SLC20A2: variants seen among roughly 807,000 people sequenced by gnomAD.
SLC20A2 encodes sodium-dependent phosphate transporter 2.
Under a neutral mutation model 61.0 loss-of-function variants are expected in SLC20A2, and 30 were observed. The ratio of observed to expected loss-of-function variants is 0.49; its 90% confidence interval spans 0.37 to 0.67. The LOEUF (loss-of-function observed/expected upper bound fraction) is 0.67, where lower values mean the gene tolerates loss of function less well. Among genes scored for constraint, SLC20A2 ranks in the 30% least tolerant of loss-of-function variants. The pLI, the probability that SLC20A2 is intolerant of heterozygous loss-of-function variation, is 0.00. For synonymous variants in SLC20A2, 351 were observed against 353.3 expected (o/e 0.99, Z 0.07); for missense variants, 626 against 866.4 (o/e 0.72, Z 3.48).
At chr8:42,484,304 A>G (rs1435265164) in intron 1 of SLC20A2, among the ~76,000 whole-genome samples, 1 of 152,240 alleles carries the variant, frequency 6.6e-6, no homozygotes, top group African/African-American at 2.4e-5. Context: ...ACACTAAACA[A>G]GGCAATATAG....
Position 42,523,087 on chromosome 8 carries a change from C to T in SLC20A2, c.-265+18734G>A, listed in dbSNP as rs1006723878. Among the ~76,000 whole-genome samples, 294 of 152,188 alleles carry T rather than the reference C, an allele frequency of 1.9e-3. 1 individual carries two copies. The highest frequency in any genetic ancestry group is 6.8e-3 in the African/African-American group (281 of 41,540). ...GTGGCTCATGCCTGCAATCCCAGCA[C>T]TTTGAGAGGCCGAGGCGGGCAGATC... is the stretch of plus-strand genomic sequence containing the variant. On this transcript the variant is annotated intron_variant, in intron 1 of 10. Coordinates refer to the SLC20A2 transcript ENST00000342228.
At chr8:42,499,468 C>T (rs923913342) in intron 1 of SLC20A2, among the ~76,000 whole-genome samples, 6 of 152,154 alleles carry the variant, frequency 3.9e-5, no homozygotes, top group African/African-American at 9.7e-5. Context: ...AGTGTTTATG[C>T]GCATTTTAGC....
intron 1 of SLC20A2, among the ~76,000 whole-genome samples, chr8:42,499,037 TG>T (rs1432668887): frequency 6.6e-6 from 1 of 152,196 alleles, no homozygotes; most frequent in Non-Finnish European, 1.5e-5. Flanking sequence ...CCTCTGGGTC[TG>T]TAACTATTTT....
intron 6 of SLC20A2, among the ~76,000 whole-genome samples, chr8:42,441,535 C>T (rs1804784805): frequency 6.6e-6 from 1 of 151,528 alleles, no homozygotes. Flanking sequence ...GTGGCGCGAT[C>T]TCGGATCACT....
chr8:42,439,520 C>T lies in SLC20A2; in HGVS notation c.864G>A (p.Thr288=), dbSNP rs577212065. The T allele has an allele frequency of 2.2e-5, 35 of 1,614,212 alleles. No homozygotes were observed. The highest frequency in any genetic ancestry group is 8.9e-5 in the East Asian group (4 of 44,888). ...KANDDSTIPL[T]GAAGETLGTS... ...TCCCCAGTGTCTCCCCTGCTGCTCCCGTGAGCGGGATGGTGCTGTCATCAT... is the reference window on the plus strand; with the variant it reads ...TCCCCAGTGTCTCCCCTGCTGCTCCTGTGAGCGGGATGGTGCTGTCATCAT... Residue 288 remains threonine (T), a synonymous_variant, in exon 7 of 11, where the codon ACG becomes ACA. Transcript: ENST00000520262.
rs375928733 is a variant in SLC20A2 at position 42,428,767 on chromosome 8, C to A, written c.1785G>T (p.Thr595=). Residue 595 remains threonine (T), a synonymous_variant, in exon 10 of 11, where the codon ACG becomes ACT. Coordinates refer to ENST00000520262, the MANE Select transcript of SLC20A2 (RefSeq NM_001257180.2). ...ASNIGLPVST[T]HCKVGSVVAV... ...GCTAGCAGGGGCCTACCTTACAGTGCGTGGTGCTGACTGGAAGCCCGATGT... is the reference window on the plus strand; with the variant it reads ...GCTAGCAGGGGCCTACCTTACAGTGAGTGGTGCTGACTGGAAGCCCGATGT... The A allele has an allele frequency of 1.9e-6, 3 of 1,611,520 alleles. No individual in the cohort carries two copies. Among genetic ancestry groups the A allele is most frequent in the Non-Finnish European group, 2.5e-6 (3 of 1,179,008 alleles).
chr8:42,452,102 A>AAG, intron 5 of SLC20A2, among the ~76,000 whole-genome samples: 1 of 124,896 alleles, frequency 8.0e-6, no homozygotes. Flanking sequence ...GGAAGAGATG[A>AAG]AAGAGGAGGA....
At chr8:42,524,287 T>C (rs1170327128) in intron 1 of SLC20A2, among the ~76,000 whole-genome samples, 2 of 152,216 alleles carry the variant, frequency 1.3e-5, no homozygotes, top group African/African-American at 2.4e-5. Flanking sequence ...CTTTTGAATA[T>C]ACTGAAATAT....
At chr8:42,431,477 C>T (rs927027701) in intron 8 of SLC20A2, among the ~76,000 whole-genome samples, 13 of 152,212 alleles carry the variant, frequency 8.5e-5, no homozygotes, top group Non-Finnish European at 1.3e-4. Flanking sequence ...ATCCTCATAG[C>T]ATAAAAGTGC....
intron 1 of SLC20A2, among the ~76,000 whole-genome samples, chr8:42,492,342 C>A (rs755800330): frequency 6.6e-6 from 1 of 152,114 alleles, no homozygotes; most frequent in Non-Finnish European, 1.5e-5. Context: ...GGCAACAGAA[C>A]AAGACTCTGT....
intron 5 of SLC20A2, among the ~76,000 whole-genome samples, chr8:42,459,324 A>C (rs1429289597): frequency 1.3e-5 from 2 of 152,076 alleles, no homozygotes; most frequent in East Asian, 3.9e-4. Context: ...AAAGAAAATC[A>C]TCATTGGCTT....
intron 1 of SLC20A2, among the ~76,000 whole-genome samples, chr8:42,494,174 G>T (rs1809741213): frequency 6.6e-6 from 1 of 152,046 alleles, no homozygotes; most frequent in Non-Finnish European, 1.5e-5. Context: ...TAACAAATTT[G>T]ATAAATATAG....
intron 10 of SLC20A2, among the ~76,000 whole-genome samples, chr8:42,418,373 G>A (rs960086408): frequency 6.6e-6 from 1 of 151,826 alleles, no homozygotes; most frequent in Non-Finnish European, 1.5e-5. Context: ...CACCATGTTG[G>A]CCACGCTGAT....
At chr8:42,448,516 G>A (rs865924018) in intron 5 of SLC20A2, among the ~76,000 whole-genome samples, 5 of 152,112 alleles carry the variant, frequency 3.3e-5, no homozygotes, top group Non-Finnish European at 5.9e-5. Flanking sequence ...ACCTGAGGTC[G>A]GGGGCAAGAC....
chr8:42,531,675 C>T (rs1812329661), intron 1 of SLC20A2, among the ~76,000 whole-genome samples: 1 of 152,064 alleles, frequency 6.6e-6, no homozygotes, highest in Admixed American at 6.6e-5. Flanking sequence ...ATGAGCTTTC[C>T]CACACAAGAA....
rs376447185 is a variant in SLC20A2, at chr8:42,417,912, C to T, written c.1850G>A (p.Arg617His). The change falls in exon 11 of 11, where the codon CGC becomes CAC. Residue 617 changes from arginine (R) to histidine (H), a missense_variant. Arg to His is a conservative substitution (Grantham distance 29). Coordinates refer to ENST00000520262, the MANE Select transcript of SLC20A2 (RefSeq NM_001257180.2). ...WIRSRKAVDW[R>H]LFRNIFVAWF... ...GGCCACGAAGATGTTCCGAAAGAGG[C>T]GCCAGTCCACAGCCTTGCGGGAGCG... The T allele has an allele frequency of 2.0e-5, 33 of 1,613,822 alleles. No homozygotes were observed. The highest frequency in any genetic ancestry group is 2.7e-5 in the Non-Finnish European group (32 of 1,179,934).
intron 10 of SLC20A2, among the ~76,000 whole-genome samples, chr8:42,421,616 C>T (rs1776318584): frequency 6.6e-6 from 1 of 152,054 alleles, no homozygotes; most frequent in Non-Finnish European, 1.5e-5. Flanking sequence ...ACCAGCCTGA[C>T]CAACATGGAG....
intron 5 of SLC20A2, among the ~76,000 whole-genome samples, chr8:42,457,257 A>T (rs1164546825): frequency 6.6e-6 from 1 of 152,008 alleles, no homozygotes; most frequent in Non-Finnish European, 1.5e-5. Context: ...CCTGGGGCAC[A>T]TACTTCAAAA....
intron 1 of SLC20A2, among the ~76,000 whole-genome samples, chr8:42,478,212 C>CTTTTTT (rs35343530): frequency 4.7e-5 from 6 of 127,538 alleles, no homozygotes; most frequent in South Asian, 2.6e-4. Flanking sequence ...TTTTCCTTTT[C>CTTTTTT]TTTTTTTTTT....
Sources: allele counts gnomAD v4.1 joint callset (sites outside exome capture counted in the v4.1 genomes callset), GRCh38; gene constraint gnomAD v4.1.1; transcripts MANE v1.5; gene names NCBI Gene and HGNC (gene_info 2026-07-23, HGNC 2026-07-21).